AKNA: variants seen among roughly 807,000 people sequenced by gnomAD.
AKNA encodes microtubule organization protein AKNA.
In AKNA, 67 loss-of-function variants were observed where a neutral mutation model predicts 138.8. The ratio of observed to expected loss-of-function variants is 0.48; its 90% confidence interval spans 0.40 to 0.59. AKNA has a LOEUF of 0.59. Among genes scored for constraint, AKNA ranks in the 20% least tolerant of loss-of-function variants. AKNA has a pLI of 0.00. For missense variants in AKNA, 1,813 were observed against 1,880.4 expected, an observed-to-expected ratio of 0.96 and a Z score of 0.66; for synonymous variants, 737 against 754.4, an observed-to-expected ratio of 0.98 and a Z score of 0.38.
At chr9:114,371,165 C>T (rs1048407843) in intron 4 of AKNA, among the ~76,000 whole-genome samples, 1 of 152,210 alleles carries the variant, frequency 6.6e-6, no homozygotes, top group African/African-American at 2.4e-5. Context: ...CCTGCCCCAA[C>T]CCCAAGGCTC....
At chr9:114,361,327 A>C (rs946173780) in intron 9 of AKNA, among the ~76,000 whole-genome samples, 16 of 152,148 alleles carry the variant, frequency 1.1e-4, no homozygotes, top group African/African-American at 3.9e-4. Context: ...TCTCATTTAA[A>C]CATGACTTCT....
chr9:114,382,053 C>T (rs1393529128), intron 1 of AKNA, among the ~76,000 whole-genome samples: 1 of 152,202 alleles, frequency 6.6e-6, no homozygotes, highest in African/African-American at 2.4e-5. Flanking sequence ...TTACTGCGTA[C>T]TGGCTCTTCG....
Position 114,376,396 on chromosome 9 carries a change from C to A in AKNA, c.1341+70G>T, listed in dbSNP as rs747102141. 6.5e-6 allele frequency: 10 copies of A among 1,545,574 alleles called. No homozygotes were observed. In the East Asian group the frequency reaches 1.6e-4, roughly 25 times the overall value. ...CCAGCCTCTACTCCAGGCCTCCCCA[C>A]CCCAATTAGCCTCCACCCCAAGCCA... On this transcript the variant is annotated intron_variant, in intron 3 of 21. Transcript: ENST00000374088.
At chr9:114,368,692 T>C in intron 4 of AKNA, 97 bp from the exon 5 acceptor site, 1 of 1,068,492 alleles carries the variant, frequency 9.4e-7, no homozygotes, top group Non-Finnish European at 1.2e-6. Flanking sequence ...ACACATGCCC[T>C]GTAGTAATAA....
At chr9:114,371,090 G>C (rs1213964679) in intron 4 of AKNA, among the ~76,000 whole-genome samples, 1 of 151,792 alleles carries the variant, frequency 6.6e-6, no homozygotes, top group Non-Finnish European at 1.5e-5. Flanking sequence ...CCAGTGTAGA[G>C]AACAGAGCCC....
chr9:114,386,157 C>A (rs1347038999), intron 1 of AKNA, among the ~76,000 whole-genome samples: 4 of 152,214 alleles, frequency 2.6e-5, no homozygotes, highest in Non-Finnish European at 5.9e-5. Flanking sequence ...ACTGAGCACC[C>A]AGTGGGCGCA....
chr9:114,355,287 T>C (rs1419640593), intron 14 of AKNA, among the ~76,000 whole-genome samples: 2 of 152,074 alleles, frequency 1.3e-5, no homozygotes, highest in Non-Finnish European at 2.9e-5. Context: ...GCAATTCTCC[T>C]GCCTCAGCCT....
At chr9:114,393,425 C>T (rs914204233) in intron 1 of AKNA, among the ~76,000 whole-genome samples, 1 of 150,410 alleles carries the variant, frequency 6.6e-6, no homozygotes, top group African/African-American at 2.4e-5. Flanking sequence ...CAGGGTTTCA[C>T]TGTGTTAGCC....
chr9:114,342,116 A>C lies in AKNA; in HGVS notation c.3767T>G (p.Val1256Gly). ...PIRTQDAGGA[V>G]TGDPLGPPPA... ...AGGCGGTCCCAGTGGGTCCCCTGTG[A>C]CAGCACCACCTAGAAGAGGAGGAAG... Residue 1256 changes from valine to glycine, a missense_variant, in exon 20 of 22, where the codon GTC becomes GGC. By Grantham distance (109) the Val-to-Gly change is moderately radical. Transcript: ENST00000374088. The C allele has an allele frequency of 6.3e-7, 1 of 1,597,446 alleles. No individual in the cohort carries two copies. Among genetic ancestry groups the C allele is most frequent in the Non-Finnish European group, 8.5e-7 (1 of 1,173,058 alleles).
chr9:114,331,830 C>T (rs1270553460), downstream of AKNA: 6 of 1,613,676 alleles, frequency 3.7e-6, no homozygotes, highest in Non-Finnish European at 8.5e-7. Flanking sequence ...CTGCAGCTGA[C>T]AAGCCAGAGA....
chr9:114,386,745 T>C (rs1468388060), intron 1 of AKNA, among the ~76,000 whole-genome samples: 2 of 152,266 alleles, frequency 1.3e-5, no homozygotes, highest in East Asian at 3.9e-4. Context: ...CTGGGTGGGA[T>C]GGACTCTTCT....
intron 13 of AKNA, 148 bp downstream of exon 13, chr9:114,356,715 G>A: frequency 2.8e-6 from 2 of 718,784 alleles, no homozygotes; most frequent in Non-Finnish European, 4.5e-6. Context: ...CCATAACACA[G>A]GAACAAGAAA....
upstream of AKNA, among the ~76,000 whole-genome samples, chr9:114,397,409 T>C (rs1444307873): frequency 6.6e-6 from 1 of 152,204 alleles, no homozygotes; most frequent in Admixed American, 6.5e-5. Flanking sequence ...TTCCAGCCCA[T>C]TTCTTCTCCT....
chr9:114,354,179 CTATTTT>C (rs910944255), intron 14 of AKNA, among the ~76,000 whole-genome samples: 1 of 151,978 alleles, frequency 6.6e-6, no homozygotes, highest in Non-Finnish European at 1.5e-5. Flanking sequence ...AAGCTTTTTT[CTATTTT>C]TAACTTTTTT....
chr9:114,342,305 G>A (rs1177497006), intron 19 of AKNA, among the ~76,000 whole-genome samples, 180 bp from the exon 20 acceptor site: 4 of 152,200 alleles, frequency 2.6e-5, no homozygotes, highest in Non-Finnish European at 4.4e-5. Context: ...AGCATTTAGT[G>A]AGCCAGGCCC....
chr9:114,356,270 T>C (rs1320529841), intron 13 of AKNA, 134 bp from the exon 14 acceptor site: 1 of 787,386 alleles, frequency 1.3e-6, no homozygotes, highest in Non-Finnish European at 2.0e-6. Context: ...GGTGGTACAA[T>C]ATTTCCAAGG....
intron 14 of AKNA, among the ~76,000 whole-genome samples, chr9:114,352,369 G>A (rs1021901259): frequency 2.0e-5 from 3 of 152,068 alleles, no homozygotes; most frequent in Non-Finnish European, 2.9e-5. Flanking sequence ...AGGCTGAGGC[G>A]GGCGGATCAC....
chr9:114,383,881 G>T (rs1161552224), intron 1 of AKNA, among the ~76,000 whole-genome samples: 2 of 152,112 alleles, frequency 1.3e-5, no homozygotes, highest in Admixed American at 6.5e-5. Context: ...CTGTGGATGG[G>T]TGTTCGGGGC....
intron 7 of AKNA, among the ~76,000 whole-genome samples, chr9:114,362,791 C>T (rs1302147693): frequency 6.6e-6 from 1 of 152,224 alleles, no homozygotes; most frequent in East Asian, 1.9e-4. Context: ...AGGGCACCAG[C>T]CCTTCCTGCA....
Sources: gnomAD v4.1 joint callset for allele counts (sites outside exome capture counted in the v4.1 genomes callset) on GRCh38, gnomAD v4.1.1 for gene constraint, MANE v1.5 for transcripts, NCBI Gene and HGNC (gene_info 2026-07-23, HGNC 2026-07-21) for gene names.